Variants in BOP1 observed in about 807,000 individuals in gnomAD.
The protein encoded by BOP1 is BOP1 ribosomal biogenesis factor, also known as ribosome biogenesis protein BOP1.
A neutral mutation model predicts 82.9 loss-of-function variants in BOP1; 54 were observed. That is an observed-to-expected ratio of 0.65 (90% CI 0.52 to 0.82). The LOEUF is 0.82. Among genes scored for constraint, BOP1 ranks in the 40% least tolerant of loss-of-function variants. The pLI is 0.00. For synonymous variants in BOP1, 566 were observed against 451.1 expected (o/e 1.25, Z -3.23); for missense variants, 1,170 against 1,072.0 (o/e 1.09, Z -1.28).
Position 144,291,348 on chromosome 8 carries a change from C to T in BOP1, c.23G>A (p.Gly8Glu), listed in dbSNP as rs1372062609. 4 of 1,378,380 alleles carry T rather than the reference C, an allele frequency of 2.9e-6. No homozygotes were observed. Among genetic ancestry groups the T allele is most frequent in the South Asian group, 3.0e-5 (2 of 67,070 alleles). The allele number at this position is 1,378,380 out of a possible 1,614,324, so 85.4% of individuals were successfully genotyped here. A position where few individuals can be genotyped will look rare whatever the true frequency, so the allele number is the denominator to read the frequency against. The change falls in exon 1 of 16, where the codon GGG becomes GAG. Residue 8 changes from glycine to glutamate, a missense_variant. Gly to Glu is a moderately conservative substitution (Grantham distance 98). Coordinates refer to ENST00000569669, the MANE Select transcript of BOP1 (RefSeq NM_015201.5). This position sits in a 1 kb window ranked among gnomAD's most constrained non-coding sequence, Gnocchi z 4.1. ...CCGCACGCTCGGCGCCGCCGTGCGC[C>T]CCGCACCCCGCGAACCCGCCATGCC... is the stretch of plus-strand genomic sequence containing the variant. MAGSRGAGRTAAPSVRPE... is the reference protein window; with the variant it reads MAGSRGAERTAAPSVRPE...
chr8:144,276,822 G>C (rs1400272430), intron 2 of BOP1, among the ~76,000 whole-genome samples: 1 of 152,140 alleles, frequency 6.6e-6, no homozygotes, highest in Admixed American at 6.5e-5. Context: ...GACACACATT[G>C]TCCACCCATC....
At chr8:144,266,807 G>T (rs1176607998) in intron 3 of BOP1, 61 of 1,152,988 alleles carry the variant, frequency 5.3e-5, no homozygotes, top group Non-Finnish European at 6.4e-5. Context: ...GGGGGCGGGG[G>T]GCCAGGGGGC....
At chr8:144,276,165 T>A in intron 3 of BOP1, 59 bp downstream of exon 3, 7 of 1,569,478 alleles carry the variant, frequency 4.5e-6, no homozygotes, top group Admixed American at 1.7e-5. Context: ...CCCCAGCACC[T>A]GCTAGGCTGT....
Position 144,264,092 on chromosome 8 carries a change from C to CA in BOP1, c.1028dup (p.Leu343PhefsTer27). ...CCCGCAGGCTCGGGAACTTGCGTGGCAAAAAGCTCAGCTTCCTCTCGCCTG... is the reference window on the plus strand; with the variant it reads ...CCCGCAGGCTCGGGAACTTGCGTGGCAAAAAAGCTCAGCTTCCTCTCGCCTG... On this transcript the variant is annotated frameshift_variant, in exon 8 of 16. Transcript: ENST00000569669. LOFTEE classifies it high-confidence loss of function. 1 of 1,610,288 alleles carries CA rather than the reference C, an allele frequency of 6.2e-7. No individual in the cohort carries two copies. Among genetic ancestry groups the CA allele is most frequent in the South Asian group, 1.1e-5 (1 of 90,894 alleles).
intron 3 of BOP1, chr8:144,268,114 G>C (rs1051073063): frequency 6.4e-7 from 1 of 1,551,410 alleles, no homozygotes; most frequent in East Asian, 2.4e-5. Context: ...AGCAAGGACC[G>C]CGACAGAAAG....
intron 1 of BOP1, among the ~76,000 whole-genome samples, chr8:144,290,735 C>G (rs1446506934): frequency 6.6e-6 from 1 of 152,186 alleles, no homozygotes; most frequent in African/African-American, 2.4e-5. Context: ...TTCAACAACC[C>G]AGCGCGGCCG....
intron 1 of BOP1, among the ~76,000 whole-genome samples, chr8:144,290,838 A>G (rs1340730021): frequency 2.6e-5 from 4 of 152,222 alleles, no homozygotes; most frequent in Non-Finnish European, 5.9e-5. Flanking sequence ...GCTAGCAGAG[A>G]GCAACAGTGA....
At position 144,262,610 on chromosome 8, in the gene BOP1, T is replaced by C; in HGVS notation, c.1957A>G (p.Thr653Ala). The C allele has an allele frequency of 6.2e-7, 1 of 1,613,346 alleles. No homozygotes were observed. Among genetic ancestry groups the C allele is most frequent in the South Asian group, 1.1e-5 (1 of 91,058 alleles). Residue 653 changes from threonine (T) to alanine (A), a missense_variant, in exon 14 of 16, where the codon ACC becomes GCC. Transcript: ENST00000569669. ...KLVWFDLDLS[T>A]KPYRMLRHHK... is the part of the protein sequence containing the mutation. ...CACCTCAGCATCCTGTATGGCTTGGTGGAAAGATCCAGGTCAAACCACACC... is the reference window on the plus strand; with the variant it reads ...CACCTCAGCATCCTGTATGGCTTGGCGGAAAGATCCAGGTCAAACCACACC...
chr8:144,287,292 G>C (rs977175877), intron 2 of BOP1, among the ~76,000 whole-genome samples: 4 of 152,224 alleles, frequency 2.6e-5, no homozygotes, highest in Non-Finnish European at 5.9e-5. Context: ...TTACAGGCGT[G>C]AGCCACCACG....
intron 2 of BOP1, among the ~76,000 whole-genome samples, chr8:144,288,201 T>TG (rs1268570944): frequency 6.9e-6 from 1 of 145,646 alleles, no homozygotes; most frequent in Non-Finnish European, 1.5e-5. Context: ...ACCCAGGAGG[T>TG]GGAAGATGCA....
At chr8:144,275,622 A>G (rs1845557979) in intron 3 of BOP1, among the ~76,000 whole-genome samples, 1 of 152,102 alleles carries the variant, frequency 6.6e-6, no homozygotes, top group Non-Finnish European at 1.5e-5. Context: ...CCCTCCTGAG[A>G]TGTGCTCCTG....
chr8:144,264,452 G>T lies in BOP1; in HGVS notation c.766-15C>A, dbSNP rs1170718250. ...ATGCGAGAGACCTGCATAGACAGCC[G>T]GGTCAGGACGGGCAGTGCGGGGCGG... On this transcript the variant is annotated splice_polypyrimidine_tract_variant and intron_variant, in intron 6 of 15. Transcript: ENST00000569669. 2 of 1,605,660 alleles carry T rather than the reference G, an allele frequency of 1.2e-6. No homozygotes were observed. The highest frequency in any genetic ancestry group is 3.4e-4 in the Middle Eastern group (2 of 5,880).
Position 144,263,768 on chromosome 8 carries a change from A to AGGT in BOP1, c.1222-8_1222-7insACC, listed in dbSNP as rs1391304861. On this transcript the variant is annotated splice_polypyrimidine_tract_variant and splice_region_variant and intron_variant, in intron 9 of 15. Coordinates refer to ENST00000569669, the MANE Select transcript of BOP1 (RefSeq NM_015201.5). The stretch of plus-strand genomic sequence containing the variant: ...CACTGTGGCCCCTGTAGACCTGAGG[A>AGGT]GGCGGCGGCAGTGAGGAGTCAGACT... 2 of 1,589,578 alleles carry AGGT rather than the reference A, an allele frequency of 1.3e-6. No homozygotes were observed. The highest frequency in any genetic ancestry group is 1.3e-5 in the African/African-American group (1 of 74,362).
intron 2 of BOP1, among the ~76,000 whole-genome samples, chr8:144,277,788 A>C (rs1244757160): frequency 5.7e-5 from 3 of 53,062 alleles, no homozygotes; most frequent in Admixed American, 2.5e-4. Flanking sequence ...CCAGCGCCCG[A>C]AGGGCAGGGG....
At chr8:144,268,702 G>A (rs1315376970) in intron 3 of BOP1, among the ~76,000 whole-genome samples, 1 of 152,160 alleles carries the variant, frequency 6.6e-6, no homozygotes, top group African/African-American at 2.4e-5. Context: ...GCTGTGGGGT[G>A]GGGACAAGGG....
rs1845311434 is a variant in BOP1 at position 144,264,508 on chromosome 8, G to C, written c.765+7C>G. On this transcript the variant is annotated splice_region_variant and intron_variant, in intron 6 of 15. Coordinates refer to ENST00000569669, the MANE Select transcript of BOP1 (RefSeq NM_015201.5). ...CCAGGCCAAGCCCCAGGGGCTGTGTGCCCCACCTTCTCCTTCTCCACCAGG... is the reference window on the plus strand; with the variant it reads ...CCAGGCCAAGCCCCAGGGGCTGTGTCCCCCACCTTCTCCTTCTCCACCAGG... 6.2e-7 allele frequency: 1 copy of C among 1,609,288 alleles called. No individual in the cohort carries two copies. Among genetic ancestry groups the C allele is most frequent in the Non-Finnish European group, 8.5e-7 (1 of 1,178,814 alleles).
At chr8:144,280,955 T>TAGGCC (rs1845660216) in intron 2 of BOP1, among the ~76,000 whole-genome samples, 345 of 150,428 alleles carry the variant, frequency 2.3e-3, no homozygotes, top group African/African-American at 8.2e-3. Flanking sequence ...TACCAGGTCT[T>TAGGCC]TGGCCTTCTC....
At chr8:144,281,706 A>G (rs1224020102) in intron 2 of BOP1, 1 of 152,258 alleles carries the variant, frequency 6.6e-6, no homozygotes. Flanking sequence ...TCTGTCACCC[A>G]GGATGGAGGC....
intron 3 of BOP1, chr8:144,267,314 C>A: frequency 4.5e-6 from 5 of 1,113,886 alleles, no homozygotes; most frequent in East Asian, 3.5e-5. Flanking sequence ...GTAACACAGG[C>A]CTGCCGGGGG....
Sources: gnomAD v4.1 joint callset for allele counts (sites outside exome capture counted in the v4.1 genomes callset) on GRCh38, gnomAD v4.1.1 for gene constraint, Gnocchi (gnomAD v3.1) non-coding constraint, MANE v1.5 for transcripts, NCBI Gene and HGNC (gene_info 2026-07-23, HGNC 2026-07-21) for gene names.